The following HABP4 variants were observed in gnomAD, a reference collection of about 807,000 sequenced individuals.
HABP4 encodes the protein hyaluronan binding protein 4.
HABP4 carries 32 observed loss-of-function variants against 44.1 expected under a neutral mutation model. The ratio of observed to expected loss-of-function variants is 0.73; its 90% CI spans 0.55 to 0.97. HABP4 has a LOEUF of 0.97. HABP4 is among the 50% of genes least tolerant of loss of function. The pLI, the probability that HABP4 is intolerant of heterozygous loss-of-function variation, is 0.00. For missense variants in HABP4, 503 were observed against 561.9 expected, an observed-to-expected ratio of 0.90 and a Z score of 1.06; for synonymous variants, 216 against 218.0, an observed-to-expected ratio of 0.99 and a Z score of 0.08.
chr9:96,455,282 CTGTA>C (rs1263709880), intron 1 of HABP4, among the ~76,000 whole-genome samples: 1 of 151,384 alleles, frequency 6.6e-6, no homozygotes, highest in Non-Finnish European at 1.5e-5. Flanking sequence ...GAAACCCTGT[CTGTA>C]GTAAAAATAC....
At chr9:96,474,030 GT>G (rs1170066228) in intron 5 of HABP4, among the ~76,000 whole-genome samples, 2 of 152,190 alleles carry the variant, frequency 1.3e-5, no homozygotes, top group Admixed American at 6.5e-5. Context: ...GATTTTGTGT[GT>G]GTGCGTGCGT....
At chr9:96,451,580 T>C in intron 1 of HABP4, 1 of 517,006 alleles carries the variant, frequency 1.9e-6, no homozygotes, top group Non-Finnish European at 2.5e-6. Context: ...TGTTCCTTGC[T>C]TGATAAAAAT....
At chr9:96,454,850 C>T (rs1254174162) in intron 1 of HABP4, among the ~76,000 whole-genome samples, 1 of 152,156 alleles carries the variant, frequency 6.6e-6, no homozygotes, top group African/African-American at 2.4e-5. Context: ...TGCGTGGTGG[C>T]TCACGCCTGT....
At chr9:96,481,934 A>T (rs934166331) in intron 5 of HABP4, among the ~76,000 whole-genome samples, 2 of 144,464 alleles carry the variant, frequency 1.4e-5, no homozygotes, top group Non-Finnish European at 3.0e-5. Flanking sequence ...ATCCATCTCT[A>T]GAACTTTTTT....
Position 96,482,945 on chromosome 9 carries a change from C to A in HABP4, c.828-1517C>A, listed in dbSNP as rs573009087. 2.2e-4 allele frequency: 33 copies of A among 152,314 alleles called. 1 individual carries two copies. The highest frequency in any genetic ancestry group is 6.7e-4 in the African/African-American group (28 of 41,578). 9.4% of individuals were successfully genotyped at this position (152,314 alleles called of 1,614,324 possible). A position where few individuals can be genotyped will look rare whatever the true frequency, so the allele number is the denominator to read the frequency against. The stretch of plus-strand genomic sequence containing the variant: ...TTTTTGGCTATTATGAATAGCACTG[C>A]AGTGAACACTTGGGTTTAAGTTTTC... On this transcript the variant is annotated intron_variant, in intron 5 of 7. Coordinates refer to ENST00000375249, the MANE Select transcript of HABP4 (RefSeq NM_014282.4).
rs981812743 is a variant in HABP4, at chr9:96,450,528, C to T, written c.249C>T (p.Ala83=). ...RSPAGASGHR[A]GAGGRRESQK... Reference sequence around the variant, plus strand: ...CAGCCGGGGCCTCGGGCCACAGAGCCGGCGCGGGCGGCCGGAGGGAGTCGC... The same window carrying T: ...CAGCCGGGGCCTCGGGCCACAGAGCTGGCGCGGGCGGCCGGAGGGAGTCGC... Residue 83 remains alanine, a synonymous_variant, in exon 1 of 8, where the codon GCC becomes GCT. Transcript: ENST00000375249. The surrounding 1 kb of genome is among the most constrained non-coding windows in gnomAD (Gnocchi z 4.8). The T allele has an allele frequency of 2.4e-6, 3 of 1,231,622 alleles. No individual in the cohort carries two copies. The highest frequency in any genetic ancestry group is 2.0e-6 in the Non-Finnish European group (2 of 986,814). 76.3% of individuals were successfully genotyped at this position (1,231,622 alleles called of 1,614,324 possible).
rs150307532 is a variant in HABP4 at position 96,470,195 on chromosome 9, G to A, written c.744-816G>A. On this transcript the variant is annotated intron_variant, in intron 4 of 7. Transcript: ENST00000375249. ...ATGGTGGTGTGCGCCTGTAGTCCCA[G>A]CTACTCCAGAGGCTGAGGTGGGAAG... Among the ~76,000 whole-genome samples, 724 of 152,264 alleles carry A rather than the reference G, an allele frequency of 4.8e-3. 7 individuals carry two copies. The highest frequency in any genetic ancestry group is 0.017 in the African/African-American group (701 of 41,552).
intron 4 of HABP4, among the ~76,000 whole-genome samples, chr9:96,468,245 CTA>C (rs1832638771): frequency 1.3e-5 from 2 of 150,178 alleles, no homozygotes; most frequent in Admixed American, 1.3e-4. Context: ...ACCACACCCA[CTA>C]CACCCAGCAT....
At position 96,452,920 on chromosome 9, in the gene HABP4, T is replaced by G. The variant is rs1035887563; in HGVS notation, c.349+2292T>G. On this transcript the variant is annotated intron_variant, in intron 1 of 7. Transcript: ENST00000375249. ...TTTCCTATGGAAAAGGGTTTTTTTT[T>G]TTTTTTTTTTTTTTTTTTGAGACAG... Among the ~76,000 whole-genome samples, 10 of 143,044 alleles carry G rather than the reference T, an allele frequency of 7.0e-5. No individual in the cohort carries two copies. The South Asian group carries it at 2.2e-3, about 32-fold the overall frequency. The allele number at this position is 143,044 out of a possible 152,430, so 93.8% of individuals were successfully genotyped here.
chr9:96,472,861 G>C (rs1481895656), intron 5 of HABP4, among the ~76,000 whole-genome samples: 2 of 152,042 alleles, frequency 1.3e-5, no homozygotes, highest in African/African-American at 4.8e-5. Flanking sequence ...CAGTCACCAT[G>C]TCTCCAGATC....
At chr9:96,486,958 C>T (rs1832986186) in intron 6 of HABP4, among the ~76,000 whole-genome samples, 1 of 152,002 alleles carries the variant, frequency 6.6e-6, no homozygotes, top group African/African-American at 2.4e-5. Context: ...ACCAGCGCTT[C>T]CCTGCTGAGT....
chr9:96,452,095 C>G (rs1156999202), intron 1 of HABP4, among the ~76,000 whole-genome samples: 2 of 151,814 alleles, frequency 1.3e-5, no homozygotes, highest in Admixed American at 1.3e-4. Context: ...GGCGTGGTGG[C>G]GGGCACCTGT....
chr9:96,454,325 G>A (rs915952533), intron 1 of HABP4, among the ~76,000 whole-genome samples: 32 of 152,058 alleles, frequency 2.1e-4, no homozygotes, highest in African/African-American at 7.7e-4. Flanking sequence ...TATTGTTACT[G>A]TTGACAAATT....
intron 5 of HABP4, among the ~76,000 whole-genome samples, chr9:96,482,322 A>G (rs999577748): frequency 6.6e-6 from 1 of 151,956 alleles, no homozygotes; most frequent in African/African-American, 2.4e-5. Flanking sequence ...AGTAATCTCT[A>G]TTTTACTCGT....
At chr9:96,466,164 G>A (rs1832598000) in intron 4 of HABP4, among the ~76,000 whole-genome samples, 1 of 152,146 alleles carries the variant, frequency 6.6e-6, no homozygotes, top group African/African-American at 2.4e-5. Context: ...GAGGTCGGGA[G>A]TTTGAGACCA....
chr9:96,456,775 AAAAAAATATATATATATATATAT>A (rs1254685663), intron 1 of HABP4, among the ~76,000 whole-genome samples: 3 of 69,036 alleles, frequency 4.3e-5, no homozygotes, highest in African/African-American at 1.9e-4. Context: ...AAAAAAAAAA[AAAAAAATATATATATATATATAT>A]ATATATATAT....
chr9:96,486,050 G>A (rs936882039), intron 6 of HABP4, among the ~76,000 whole-genome samples: 1 of 152,072 alleles, frequency 6.6e-6, no homozygotes, highest in South Asian at 2.1e-4. Context: ...AAAACTAGCC[G>A]GGCGGTTGGC....
Position 96,450,178 on chromosome 9 carries a change from A to T in HABP4, c.-102A>T. ...AGGGGCCGGACAGGGTAGGGCCCGGAGGGCGGTGGCGGCGGAGCGGGCGGC... is the reference window on the plus strand; with the variant it reads ...AGGGGCCGGACAGGGTAGGGCCCGGTGGGCGGTGGCGGCGGAGCGGGCGGC... On this transcript the variant is annotated 5_prime_UTR_variant, in exon 1 of 8. Transcript: ENST00000375249. The surrounding 1 kb of genome is among the most constrained non-coding windows in gnomAD (Gnocchi z 4.8). 4.4e-6 allele frequency: 5 copies of T among 1,149,186 alleles called. No individual in the cohort carries two copies. Among genetic ancestry groups the T allele is most frequent in the Non-Finnish European group, 5.4e-6 (5 of 923,924 alleles). 71.2% of individuals were successfully genotyped at this position (1,149,186 alleles called of 1,614,324 possible).
chr9:96,479,678 T>C (rs757123751), intron 5 of HABP4, among the ~76,000 whole-genome samples: 1 of 151,932 alleles, frequency 6.6e-6, no homozygotes, highest in Non-Finnish European at 1.5e-5. Context: ...GCCCAGCTAA[T>C]TTTTGTATTT....
Sources: allele counts gnomAD v4.1 joint callset (sites outside exome capture counted in the v4.1 genomes callset), GRCh38; gene constraint gnomAD v4.1.1; non-coding constraint Gnocchi (gnomAD v3.1); transcripts MANE v1.5; gene names NCBI Gene and HGNC (gene_info 2026-07-23, HGNC 2026-07-21).